The following SMC5 variants were observed in gnomAD, a reference collection of about 807,000 sequenced individuals.
SMC5 encodes the protein structural maintenance of chromosomes 5.
Under a neutral mutation model 148.3 loss-of-function variants are expected in SMC5, and 88 were observed. The observed-to-expected ratio is 0.59, with a 90% CI of 0.50 to 0.71. SMC5 has a LOEUF of 0.71. SMC5 is among the 30% of genes least tolerant of loss of function. The probability of loss-of-function intolerance (pLI) is 0.00; values close to 1 mark genes in which losing one functional copy is unlikely to be tolerated. For missense variants in SMC5, 1,142 were observed against 1,298.9 expected, an observed-to-expected ratio of 0.88 and a Z score of 1.86; for synonymous variants, 421 against 432.8, an observed-to-expected ratio of 0.97 and a Z score of 0.34.
At position 70,341,910 on chromosome 9, in the gene SMC5, A is replaced by C. The variant is rs1242337976; in HGVS notation, c.2398-2234A>C. ...CTGGGTATATACCCAAAGGACTATAAATCATGCTGCTATAAAGACACATGC... is the reference window on the plus strand; with the variant it reads ...CTGGGTATATACCCAAAGGACTATACATCATGCTGCTATAAAGACACATGC... On this transcript the variant is annotated intron_variant, in intron 17 of 24. Transcript: ENST00000361138. Among the ~76,000 whole-genome samples, 3 of 151,438 alleles carry C rather than the reference A, an allele frequency of 2.0e-5. No individual in the cohort carries two copies. The East Asian group carries it at 5.9e-4, about 30-fold the overall frequency.
chr9:70,285,026 G>A (rs1287132144), intron 7 of SMC5, among the ~76,000 whole-genome samples: 2 of 151,832 alleles, frequency 1.3e-5, no homozygotes, highest in Non-Finnish European at 2.9e-5. Flanking sequence ...CTGAGTTTTA[G>A]TCTCCTCAGT....
intron 7 of SMC5, among the ~76,000 whole-genome samples, chr9:70,285,823 G>C (rs185798827): frequency 1.3e-5 from 2 of 152,250 alleles, no homozygotes; most frequent in Admixed American, 1.3e-4. Flanking sequence ...TTTGAAATCA[G>C]ACCTGATTTT....
At position 70,259,046 on chromosome 9, in the gene SMC5, C is replaced by G. The variant is rs757294694; in HGVS notation, c.-33C>G. On this transcript the variant is annotated 5_prime_UTR_variant, in exon 1 of 25. Coordinates refer to ENST00000361138, the MANE Select transcript of SMC5 (RefSeq NM_015110.4). The stretch of plus-strand genomic sequence containing the variant: ...CGCCTGGGCTGCCGGACGGTGGGAA[C>G]GGAAGTCGCTGTGGGACGCTGAGGA... 4 of 1,571,412 alleles carry G rather than the reference C, an allele frequency of 2.5e-6. No individual in the cohort carries two copies. In the East Asian group the frequency reaches 7.0e-5, roughly 28 times the overall value.
intron 17 of SMC5, among the ~76,000 whole-genome samples, chr9:70,336,778 C>G (rs974639834): frequency 2.0e-5 from 3 of 152,204 alleles, no homozygotes; most frequent in Non-Finnish European, 4.4e-5. Flanking sequence ...GTTGACCCAT[C>G]AGGCAGATAC....
chr9:70,346,615 C>T lies in SMC5; in HGVS notation c.2534C>T (p.Thr845Ile). 1 of 1,614,060 alleles carries T rather than the reference C, an allele frequency of 6.2e-7. No individual in the cohort carries two copies. Among genetic ancestry groups the T allele is most frequent in the Middle Eastern group, 1.6e-4 (1 of 6,062 alleles). Residue 845 changes from threonine to isoleucine, a missense_variant, in exon 19 of 25, where the codon ACC becomes ATC. Thr to Ile is a moderately conservative substitution (Grantham distance 89). Coordinates refer to ENST00000361138, the MANE Select transcript of SMC5 (RefSeq NM_015110.4). ...ATTCTACCAATTCAGCAAGTACCCA[C>T]CATTCCAAATGGACACAACTCCTCA... ...LPQEYQTQVP[T>I]IPNGHNSSLP... is the part of the protein sequence containing the mutation.
intron 15 of SMC5, among the ~76,000 whole-genome samples, chr9:70,320,775 T>C (rs747350460): frequency 2.0e-5 from 3 of 152,134 alleles, no homozygotes; most frequent in Non-Finnish European, 4.4e-5. Flanking sequence ...GATTTTGAGG[T>C]TTAATAAAAT....
intron 1 of SMC5, among the ~76,000 whole-genome samples, chr9:70,261,170 G>C (rs538157725): frequency 6.6e-6 from 1 of 152,272 alleles, no homozygotes; most frequent in South Asian, 2.1e-4. Context: ...ATGAGTATTT[G>C]GACAAAGGGT....
chr9:70,300,279 C>G, intron 10 of SMC5, 79 bp downstream of exon 10: 1 of 1,279,490 alleles, frequency 7.8e-7, no homozygotes, highest in Non-Finnish European at 1.1e-6. Context: ...ATTTTAGTCC[C>G]AATATTACCC....
In SMC5 at chr9:70,347,046, A is replaced by G; in HGVS notation, c.2569-20A>G. 1.9e-6 allele frequency: 3 copies of G among 1,580,314 alleles called. No individual in the cohort carries two copies. In the South Asian group the frequency reaches 3.3e-5, roughly 18 times the overall value. On this transcript the variant is annotated intron_variant, in intron 19 of 24. Transcript: ENST00000361138. ...AACTGTTTTCATTGTATCTATAATG[A>G]CGGGCAATTTTTTTCTTAGGTTTTC...
intron 10 of SMC5, among the ~76,000 whole-genome samples, chr9:70,303,887 G>T (rs1007426858): frequency 6.6e-6 from 1 of 151,832 alleles, no homozygotes. Flanking sequence ...GGAAATAATC[G>T]ATCTCTAAAA....
At chr9:70,298,364 A>T (rs968842308) in intron 9 of SMC5, 143 bp downstream of exon 9, 14 of 865,762 alleles carry the variant, frequency 1.6e-5, no homozygotes, top group Non-Finnish European at 2.1e-5. Context: ...TTCCAACTTC[A>T]TACCTTAATT....
At chr9:70,260,757 T>C (rs2034100041) in intron 1 of SMC5, among the ~76,000 whole-genome samples, 2 of 152,212 alleles carry the variant, frequency 1.3e-5, no homozygotes, top group Admixed American at 1.3e-4. Context: ...AAAGAAGATA[T>C]GAAAGTCTTT....
chr9:70,297,204 A>G (rs1232922337), intron 8 of SMC5, among the ~76,000 whole-genome samples: 2 of 152,206 alleles, frequency 1.3e-5, no homozygotes, highest in African/African-American at 4.8e-5. Context: ...CATAGCCTGA[A>G]TGTAATTTTA....
At chr9:70,351,760 T>C (rs775341216) in intron 24 of SMC5, among the ~76,000 whole-genome samples, 12 of 152,148 alleles carry the variant, frequency 7.9e-5, no homozygotes, top group Admixed American at 1.3e-4. Context: ...AAGGTTTATA[T>C]TGAGGTGTTT....
At chr9:70,324,291 A>C (rs2036022804) in intron 17 of SMC5, 148 bp downstream of exon 17, 1 of 717,664 alleles carries the variant, frequency 1.4e-6, no homozygotes, top group Non-Finnish European at 2.2e-6. Context: ...TGAGGAAGTA[A>C]TACTTAAAAT....
At chr9:70,273,794 T>C (rs1323262624) in intron 3 of SMC5, among the ~76,000 whole-genome samples, 1 of 152,244 alleles carries the variant, frequency 6.6e-6, no homozygotes, top group East Asian at 1.9e-4. Context: ...ACTGGTTTTA[T>C]GTTACTCATC....
At chr9:70,283,711 C>T (rs2034819686) in intron 7 of SMC5, among the ~76,000 whole-genome samples, 1 of 152,010 alleles carries the variant, frequency 6.6e-6, no homozygotes, top group South Asian at 2.1e-4. Context: ...TAGCCTGGCA[C>T]TGCTATTGGG....
chr9:70,331,581 T>C (rs897600707), intron 17 of SMC5, among the ~76,000 whole-genome samples: 3 of 152,142 alleles, frequency 2.0e-5, no homozygotes, highest in Non-Finnish European at 2.9e-5. Context: ...CTGTCTGGGA[T>C]TGCTTCAAAA....
intron 7 of SMC5, among the ~76,000 whole-genome samples, chr9:70,285,529 G>A (rs542952021): frequency 2.3e-4 from 35 of 152,164 alleles, no homozygotes; most frequent in Non-Finnish European, 4.7e-4. Flanking sequence ...GTACAAACAC[G>A]CACAGTGAGC....
Sources: gnomAD v4.1 joint callset for allele counts (sites outside exome capture counted in the v4.1 genomes callset) on GRCh38, gnomAD v4.1.1 for gene constraint, MANE v1.5 for transcripts, NCBI Gene and HGNC (gene_info 2026-07-23, HGNC 2026-07-21) for gene names.